The following MPZL3 variants were observed in gnomAD, a reference collection of about 807,000 sequenced individuals.
MPZL3 encodes myelin protein zero-like protein 3.
In MPZL3, 23 loss-of-function variants were observed where a neutral mutation model predicts 24.8. The observed-to-expected ratio is 0.93, with a 90% confidence interval of 0.67 to 1.31. The LOEUF (loss-of-function observed/expected upper bound fraction) is 1.31. Ranked by LOEUF, MPZL3 falls within the 40% of genes most tolerant of loss-of-function variation. MPZL3 has a pLI of 0.00. For synonymous variants in MPZL3, 99 were observed against 106.5 expected (o/e 0.93, Z 0.44); for missense variants, 277 against 294.9 (o/e 0.94, Z 0.44).
At chr11:118,244,974 G>A (rs974879946) in intron 1 of MPZL3, among the ~76,000 whole-genome samples, 29 of 151,906 alleles carry the variant, frequency 1.9e-4, no homozygotes, top group Non-Finnish European at 2.9e-4. Flanking sequence ...TACTCAGGAG[G>A]CTGAGGCAGG....
At chr11:118,240,455 A>G (rs1949480339) in intron 1 of MPZL3, 78 bp from the exon 2 acceptor site, 1 of 1,434,812 alleles carries the variant, frequency 7.0e-7, no homozygotes, top group African/African-American at 1.5e-5. Flanking sequence ...AATTATTTTT[A>G]GAGCCCTCAT....
rs1406277686 is a variant in MPZL3, at chr11:118,227,893, G to A, written c.*2001C>T. On this transcript the variant is annotated 3_prime_UTR_variant, in exon 6 of 6. Coordinates refer to ENST00000278949, the MANE Select transcript of MPZL3 (RefSeq NM_198275.3). Reference sequence around the variant, plus strand: ...TGCAAAATAGTCCCCCTCACAATGAGATCTCTATCTTCAAATCTCTGAGAG... The same window carrying A: ...TGCAAAATAGTCCCCCTCACAATGAAATCTCTATCTTCAAATCTCTGAGAG... 6.6e-6 allele frequency: 1 copy of A among 152,166 alleles called. No individual in the cohort carries two copies. The highest frequency in any genetic ancestry group is 1.5e-5 in the Non-Finnish European group (1 of 68,036). 9.4% of individuals were successfully genotyped at this position (152,166 alleles called of 1,614,324 possible).
intron 1 of MPZL3, 57 bp downstream of exon 1, chr11:118,252,165 G>T: frequency 1.3e-6 from 2 of 1,583,688 alleles, no homozygotes; most frequent in South Asian, 2.2e-5. Context: ...CCGGAAAAGC[G>T]ACCATCTTCC....
intron 1 of MPZL3, among the ~76,000 whole-genome samples, chr11:118,240,783 A>T (rs10892229): frequency 0.48 from 67,313 of 140,334 alleles, 17,123 homozygotes; most frequent in South Asian, 0.56. Flanking sequence ...ACACACACAC[A>T]CTCTGGGAAT....
At position 118,237,276 on chromosome 11, in the gene MPZL3, C is replaced by G. The variant is rs1477030995; in HGVS notation, c.241-16G>C. On this transcript the variant is annotated splice_polypyrimidine_tract_variant and intron_variant, in intron 2 of 5. Transcript: ENST00000278949. ...AATGAAATATCTAAGAAAGCAACAC[C>G]ATGAGAGAAAAGGTTAACTTGGAAA... The G allele has an allele frequency of 1.2e-6, 2 of 1,608,444 alleles. No individual in the cohort carries two copies. Among genetic ancestry groups the G allele is most frequent in the East Asian group, 2.2e-5 (1 of 44,834 alleles).
rs55873086 is a variant in MPZL3 at position 118,235,707 on chromosome 11, C to T, written c.452-118G>A. ...TCTTCTGATTACAAAAGTAATAAAT[C>T]ATTGTGTGAAAGGTAGAAAATACAC... is the stretch of plus-strand genomic sequence containing the variant. On this transcript the variant is annotated intron_variant, in intron 3 of 5. Coordinates refer to ENST00000278949, the MANE Select transcript of MPZL3 (RefSeq NM_198275.3). 24 of 1,051,602 alleles carry T rather than the reference C, an allele frequency of 2.3e-5. No homozygotes were observed. The South Asian group carries it at 2.5e-4, about 11-fold the overall frequency. 65.1% of individuals were successfully genotyped at this position (1,051,602 alleles called of 1,614,324 possible).
At chr11:118,243,308 A>G (rs1591496480) in intron 1 of MPZL3, among the ~76,000 whole-genome samples, 1 of 152,122 alleles carries the variant, frequency 6.6e-6, no homozygotes, top group Admixed American at 6.5e-5. Flanking sequence ...GTTACCTCTT[A>G]CATCGTCATG....
chr11:118,232,199 A>C (rs1046945220), intron 5 of MPZL3, among the ~76,000 whole-genome samples: 8 of 151,880 alleles, frequency 5.3e-5, no homozygotes, highest in African/African-American at 1.9e-4. Context: ...TGCACCAGTC[A>C]CTTCTTCTGC....
chr11:118,248,927 A>C (rs1007003998), intron 1 of MPZL3, among the ~76,000 whole-genome samples: 12 of 152,228 alleles, frequency 7.9e-5, no homozygotes, highest in Non-Finnish European at 1.6e-4. Context: ...AAAAGTGTTT[A>C]GTTTCCCAGT....
chr11:118,243,594 C>T (rs1020090118), intron 1 of MPZL3, among the ~76,000 whole-genome samples: 5 of 152,118 alleles, frequency 3.3e-5, no homozygotes, highest in African/African-American at 9.7e-5. Context: ...CATGGCAAAA[C>T]CCTGTCTCTA....
chr11:118,248,070 C>CTTTTT (rs60335848), intron 1 of MPZL3, among the ~76,000 whole-genome samples: 41 of 99,010 alleles, frequency 4.1e-4, no homozygotes, highest in East Asian at 7.3e-4. Context: ...ACAGTTTCCT[C>CTTTTT]TTTTTTTTTT....
At chr11:118,239,629 A>T (rs1468712286) in intron 2 of MPZL3, among the ~76,000 whole-genome samples, 1 of 152,218 alleles carries the variant, frequency 6.6e-6, no homozygotes, top group Non-Finnish European at 1.5e-5. Context: ...TCAATAAGGT[A>T]TATTGCTTCC....
At chr11:118,250,048 C>T (rs1336332000) in intron 1 of MPZL3, among the ~76,000 whole-genome samples, 1 of 152,028 alleles carries the variant, frequency 6.6e-6, no homozygotes, top group Admixed American at 6.6e-5. Flanking sequence ...ATCGCTCAGG[C>T]TGAAGTGCAG....
rs1270526825 is a variant in MPZL3 at position 118,228,495 on chromosome 11, TA to T, written c.*1398del. ...ACTATACATATGCCTTAATGGCTTA[TA>T]AAAAATCCTATGTAAATTAACATTT... is the stretch of plus-strand genomic sequence containing the variant. On this transcript the variant is annotated 3_prime_UTR_variant, in exon 6 of 6. Transcript: ENST00000278949. 2 of 152,220 alleles carry T rather than the reference TA, an allele frequency of 1.3e-5. No homozygotes were observed. The highest frequency in any genetic ancestry group is 4.8e-5 in the African/African-American group (2 of 41,464). 9.4% of individuals were successfully genotyped at this position (152,220 alleles called of 1,614,324 possible).
At chr11:118,248,324 T>C (rs1457689453) in intron 1 of MPZL3, among the ~76,000 whole-genome samples, 1 of 152,138 alleles carries the variant, frequency 6.6e-6, no homozygotes, top group Non-Finnish European at 1.5e-5. Context: ...CAGTTTCCTT[T>C]TTATAAAACA....
intron 3 of MPZL3, among the ~76,000 whole-genome samples, chr11:118,236,314 G>A (rs1015986902): frequency 6.6e-6 from 1 of 151,638 alleles, no homozygotes; most frequent in African/African-American, 2.4e-5. Flanking sequence ...AGAGAAGGAA[G>A]AAATGAGACA....
In MPZL3 at chr11:118,229,125, C is replaced by CAAAAAAAAAAAAAAAAAAAAAAA. The variant is rs60832269; in HGVS notation, c.*746_*768dup. 1 of 96,440 alleles carries CAAAAAAAAAAAAAAAAAAAAAAA rather than the reference C, an allele frequency of 1.0e-5. No homozygotes were observed. Among genetic ancestry groups the CAAAAAAAAAAAAAAAAAAAAAAA allele is most frequent in the African/African-American group, 5.7e-5 (1 of 17,392 alleles). The allele number at this position is 96,440 out of a possible 1,614,324, so 6.0% of individuals were successfully genotyped here. A position where few individuals can be genotyped will look rare whatever the true frequency, so the allele number is the denominator to read the frequency against. The stretch of plus-strand genomic sequence containing the variant: ...CTGGCGACAGAGTGAGACTCTGCCT[C>CAAAAAAAAAAAAAAAAAAAAAAA]AAAAAAAAAAAAAAAAAAAAAAAAG... On this transcript the variant is annotated 3_prime_UTR_variant, in exon 6 of 6. Transcript: ENST00000278949.
intron 1 of MPZL3, among the ~76,000 whole-genome samples, chr11:118,246,585 C>CTTTCTTT (rs1555112606): frequency 8.1e-6 from 1 of 123,282 alleles, no homozygotes; most frequent in African/African-American, 3.3e-5. Context: ...TTTTTCTTTT[C>CTTTCTTT]TTTTTTTTTT....
At chr11:118,234,834 A>G (rs1304685945) in intron 4 of MPZL3, among the ~76,000 whole-genome samples, 1 of 152,086 alleles carries the variant, frequency 6.6e-6, no homozygotes, top group Non-Finnish European at 1.5e-5. Flanking sequence ...AAGGGGTTTT[A>G]CGTAGATTTT....
Sources: allele counts gnomAD v4.1 joint callset (sites outside exome capture counted in the v4.1 genomes callset), GRCh38; gene constraint gnomAD v4.1.1; transcripts MANE v1.5; gene names NCBI Gene and HGNC (gene_info 2026-07-23, HGNC 2026-07-21).